Variants in MAD1L1 observed in about 807,000 individuals in gnomAD.
MAD1L1 encodes mitotic spindle assembly checkpoint protein MAD1.
Under a neutral mutation model 96.9 loss-of-function variants are expected in MAD1L1, and 95 were observed. That is an observed-to-expected ratio of 0.98 (90% confidence interval 0.83 to 1.16). MAD1L1 has a LOEUF of 1.16. MAD1L1 is among the 50% of genes most tolerant of loss of function. The pLI is 0.00. For missense variants in MAD1L1, 1,007 were observed against 954.4 expected (o/e 1.06, Z -0.73); for synonymous variants, 473 against 396.6 (o/e 1.19, Z -2.29).
At chr7:1,883,998 T>C (rs1562487455) in intron 18 of MAD1L1, among the ~76,000 whole-genome samples, 1 of 152,148 alleles carries the variant, frequency 6.6e-6, no homozygotes, top group Non-Finnish European at 1.5e-5. Flanking sequence ...CGCTGCACAG[T>C]GCAGAGCCAG....
chr7:2,026,529 C>T (rs1345621042), intron 12 of MAD1L1, among the ~76,000 whole-genome samples: 1 of 152,196 alleles, frequency 6.6e-6, no homozygotes, highest in Admixed American at 6.5e-5. Context: ...ATTTACAAAA[C>T]TGACTTCCGA....
intron 14 of MAD1L1, among the ~76,000 whole-genome samples, chr7:1,999,972 G>A (rs953435262): frequency 3.3e-5 from 5 of 152,146 alleles, no homozygotes; most frequent in Admixed American, 2.0e-4. Flanking sequence ...CCAGGATGCT[G>A]GAATGCCCCA....
intron 12 of MAD1L1, among the ~76,000 whole-genome samples, chr7:2,060,246 G>GATACGCCGATGCCGAT (rs1784588876): frequency 6.6e-6 from 1 of 150,794 alleles, no homozygotes; most frequent in African/African-American, 2.4e-5. Context: ...CCGATGCCGA[G>GATACGCCGATGCCGAT]ATACGCCGAT....
At chr7:2,004,481 C>T (rs959785298) in intron 13 of MAD1L1, among the ~76,000 whole-genome samples, 4 of 152,236 alleles carry the variant, frequency 2.6e-5, no homozygotes, top group South Asian at 2.1e-4. Flanking sequence ...AGGCACTTTA[C>T]AGGAGCAGCT....
rs936527931 is a variant in MAD1L1 at position 2,224,518 on chromosome 7, G to C, written c.291+892C>G. Reference sequence around the variant, plus strand: ...ACCGCAGTCAGGATCTGCAGGCCAGGGGCAAGCAATCCAACCAGCATCACA... The same window carrying C: ...ACCGCAGTCAGGATCTGCAGGCCAGCGGCAAGCAATCCAACCAGCATCACA... On this transcript the variant is annotated intron_variant, in intron 4 of 18. Coordinates refer to ENST00000265854, the MANE Select transcript of MAD1L1 (RefSeq NM_001013836.2). 3.9e-5 allele frequency among the ~76,000 whole-genome samples: 6 copies of C among 152,304 alleles called. 1 individual carries two copies. The East Asian group carries it at 1.2e-3, about 29-fold the overall frequency.
At chr7:1,977,148 C>A (rs189027580) in intron 15 of MAD1L1, among the ~76,000 whole-genome samples, 21 of 152,214 alleles carry the variant, frequency 1.4e-4, no homozygotes, top group African/African-American at 5.1e-4. Flanking sequence ...TAGGACCAGG[C>A]GCCGCAGAGC....
At chr7:1,850,283 C>A (rs1318656202) in intron 18 of MAD1L1, among the ~76,000 whole-genome samples, 1 of 152,198 alleles carries the variant, frequency 6.6e-6, no homozygotes, top group Non-Finnish European at 1.5e-5. Context: ...CGCCTCCAGG[C>A]AGCTCCCATC....
intron 17 of MAD1L1, among the ~76,000 whole-genome samples, chr7:1,900,092 A>C (rs1583704626): frequency 6.6e-6 from 1 of 151,538 alleles, no homozygotes; most frequent in Non-Finnish European, 1.5e-5. Flanking sequence ...GCCGCTGGGC[A>C]CCCCCGATGG....
chr7:1,999,103 G>T (rs886532405), intron 14 of MAD1L1, among the ~76,000 whole-genome samples: 2 of 152,154 alleles, frequency 1.3e-5, no homozygotes, highest in African/African-American at 4.8e-5. Flanking sequence ...TTTCAGGCCT[G>T]CCCTGAGCCA....
At chr7:2,023,158 C>A (rs61568561) in intron 12 of MAD1L1, among the ~76,000 whole-genome samples, 2,499 of 152,260 alleles carry the variant, frequency 0.016, 77 homozygotes, top group African/African-American at 0.057. Context: ...GAGGACACAG[C>A]AGAATTCAAT....
At chr7:1,920,549 C>T (rs1788721268) in intron 17 of MAD1L1, among the ~76,000 whole-genome samples, 1 of 152,128 alleles carries the variant, frequency 6.6e-6, no homozygotes, top group African/African-American at 2.4e-5. Flanking sequence ...AAGGAGGGTG[C>T]AGGTGTGGGG....
At position 1,957,692 on chromosome 7, in the gene MAD1L1, C is replaced by T. The variant is rs753353809; in HGVS notation, c.1533G>A (p.Glu511=). 6 of 1,614,164 alleles carry T rather than the reference C, an allele frequency of 3.7e-6. No individual in the cohort carries two copies. Among genetic ancestry groups the T allele is most frequent in the South Asian group, 3.3e-5 (3 of 91,084 alleles). The change falls in exon 16 of 19, where the codon GAG becomes GAA. Residue 511 remains glutamate, a synonymous_variant. Transcript: ENST00000265854. ...LRLKVEELEG[E]RSRLEEEKRM... Reference sequence around the variant, plus strand: ...TCTTTTCCTCCTCCAGCCGACTCCGCTCGCCTTCCAGCTCCTCGACCTTCA... The same window carrying T: ...TCTTTTCCTCCTCCAGCCGACTCCGTTCGCCTTCCAGCTCCTCGACCTTCA...
intron 3 of MAD1L1, among the ~76,000 whole-genome samples, chr7:2,228,602 T>C (rs1794030752): frequency 1.3e-5 from 2 of 152,256 alleles, no homozygotes; most frequent in Admixed American, 1.3e-4. Context: ...AACTACCATC[T>C]ATTACCTTCA....
intron 18 of MAD1L1, among the ~76,000 whole-genome samples, chr7:1,879,799 C>T (rs1785583228): frequency 6.6e-6 from 1 of 152,124 alleles, no homozygotes. Context: ...GGCGCGATCT[C>T]GGCTCACTGC....
intron 16 of MAD1L1, among the ~76,000 whole-genome samples, chr7:1,953,910 T>C (rs1456971657): frequency 1.3e-5 from 2 of 152,182 alleles, no homozygotes; most frequent in East Asian, 3.9e-4. Context: ...TGGGTGGGAC[T>C]GTCAGGTGGG....
At chr7:2,152,116 G>A (rs564366896) in intron 10 of MAD1L1, among the ~76,000 whole-genome samples, 2 of 152,226 alleles carry the variant, frequency 1.3e-5, no homozygotes, top group South Asian at 4.1e-4. Context: ...TTGCCCTGAG[G>A]CAGAAGGCTG....
chr7:1,818,344 C>A (rs1345958012), intron 18 of MAD1L1, among the ~76,000 whole-genome samples: 1 of 152,098 alleles, frequency 6.6e-6, no homozygotes, highest in African/African-American at 2.4e-5. Context: ...TTCCCCGGCC[C>A]TCAGAGGCTG....
chr7:1,855,978 G>C (rs1398852714), intron 18 of MAD1L1, among the ~76,000 whole-genome samples: 2 of 152,122 alleles, frequency 1.3e-5, no homozygotes, highest in Admixed American at 1.3e-4. Context: ...CGGCAGACGT[G>C]GTGTCTGCTG....
At chr7:1,901,067 C>T (rs1787212720) in intron 17 of MAD1L1, among the ~76,000 whole-genome samples, 1 of 152,152 alleles carries the variant, frequency 6.6e-6, no homozygotes, top group Admixed American at 6.5e-5. Flanking sequence ...CCATGCCACA[C>T]AGACCCTCGG....
Sources: gnomAD v4.1 joint callset for allele counts (sites outside exome capture counted in the v4.1 genomes callset) on GRCh38, gnomAD v4.1.1 for gene constraint, MANE v1.5 for transcripts, NCBI Gene and HGNC (gene_info 2026-07-23, HGNC 2026-07-21) for gene names.